The following ZSCAN4 variants were observed in gnomAD, a reference collection of about 807,000 sequenced individuals.
The protein encoded by ZSCAN4 is zinc finger and SCAN domain containing 4, also known as zinc finger and SCAN domain-containing protein 4.
Under a neutral mutation model 18.3 loss-of-function variants are expected in ZSCAN4, and 18 were observed. That is an observed-to-expected ratio of 0.98 (90% CI 0.68 to 1.46). The LOEUF (loss-of-function observed/expected upper bound fraction) is 1.46, where lower values mean the gene tolerates loss of function less well. Among genes scored for constraint, ZSCAN4 ranks in the 40% most tolerant of loss-of-function variants. The pLI, the probability that ZSCAN4 is intolerant of heterozygous loss-of-function variation, is 0.00. For missense variants in ZSCAN4, 498 were observed against 511.4 expected, an observed-to-expected ratio of 0.97 and a Z score of 0.25; for synonymous variants, 193 against 180.3, an observed-to-expected ratio of 1.07 and a Z score of -0.57.
chr19:57,672,138 C>T (rs1478852775), intron 2 of ZSCAN4, among the ~76,000 whole-genome samples: 3 of 152,156 alleles, frequency 2.0e-5, no homozygotes, highest in Non-Finnish European at 4.4e-5. Flanking sequence ...TCAAGCAATG[C>T]AAACTCACTT....
chr19:57,665,269 G>A (rs758171999), upstream of ZSCAN4, among the ~76,000 whole-genome samples: 5 of 152,192 alleles, frequency 3.3e-5, no homozygotes, highest in Non-Finnish European at 7.4e-5. Flanking sequence ...GTGCTGCTAG[G>A]ATTCCATTTT....
chr19:57,665,719 A>G (rs1983834046), upstream of ZSCAN4, among the ~76,000 whole-genome samples: 2 of 152,132 alleles, frequency 1.3e-5, no homozygotes, highest in African/African-American at 4.8e-5. Context: ...GGAGTTCGAG[A>G]CCAGCCTGAC....
the ZSCAN4 span, among the ~76,000 whole-genome samples, chr19:57,654,327 A>C: frequency 6.6e-6 from 1 of 151,318 alleles, no homozygotes; most frequent in Non-Finnish European, 1.5e-5. Context: ...TCAACTGGAC[A>C]CTTCCCTCTC....
Position 57,676,549 on chromosome 19 carries a change from C to A in ZSCAN4, c.396+8C>A. 6.2e-7 allele frequency: 1 copy of A among 1,601,054 alleles called. No individual in the cohort carries two copies. The highest frequency in any genetic ancestry group is 1.1e-5 in the South Asian group (1 of 89,478). On this transcript the variant is annotated splice_region_variant and intron_variant, in intron 3 of 4. Coordinates refer to ENST00000318203, the Ensembl canonical transcript of ZSCAN4. ...ATAAATCCACCTGCCTTAGTGAGTACAGGGTTCTAACTTCTGGGATGAGAG... is the reference window on the plus strand; with the variant it reads ...ATAAATCCACCTGCCTTAGTGAGTAAAGGGTTCTAACTTCTGGGATGAGAG...
exon 2 of ZSCAN4, chr19:57,670,453 C>T (rs914422219): frequency 6.6e-6 from 1 of 152,178 alleles, no homozygotes. Context: ...AATCACTGAT[C>T]CCAGCCCCTA....
chr19:57,677,500 C>G (rs974215389), intron 3 of ZSCAN4, among the ~76,000 whole-genome samples: 4 of 151,918 alleles, frequency 2.6e-5, no homozygotes, highest in Admixed American at 1.3e-4. Context: ...TCTAGTCTTC[C>G]TAAGTGCAGG....
chr19:57,670,218 G>A (rs1983976166), intron 1 of ZSCAN4, 27 bp from the exon 2 acceptor site: 1 of 152,300 alleles, frequency 6.6e-6, no homozygotes, highest in African/African-American at 2.4e-5. Context: ...AAATATTAAT[G>A]TGTTTGTTTA....
intron 2 of ZSCAN4, among the ~76,000 whole-genome samples, chr19:57,675,429 T>C (rs1984154106): frequency 2.0e-5 from 3 of 152,074 alleles, no homozygotes. Flanking sequence ...ATTACAGGCA[T>C]GAGCAACCAC....
upstream of ZSCAN4, chr19:57,664,834 ACT>A (rs372662388): frequency 4.7e-4 from 84 of 178,988 alleles, no homozygotes; most frequent in African/African-American, 1.8e-3. Context: ...GAACACAGCA[ACT>A]CTGCCAGATG....
chr19:57,679,085 C>A, exon 5 of ZSCAN4: 2 of 595,890 alleles, frequency 3.4e-6, no homozygotes, highest in Non-Finnish European at 5.0e-6. Flanking sequence ...TAAAGTATTC[C>A]AAGTGGTTGG....
upstream of ZSCAN4, among the ~76,000 whole-genome samples, chr19:57,665,945 G>C (rs182787531): frequency 6.7e-4 from 102 of 152,148 alleles, 1 homozygote; most frequent in South Asian, 2.5e-3. Flanking sequence ...ATATCTTTGC[G>C]AGGCCCAAGT....
the ZSCAN4 span, among the ~76,000 whole-genome samples, chr19:57,663,458 G>A: frequency 0.16 from 23,187 of 142,446 alleles, 1,966 homozygotes; most frequent in East Asian, 0.27. Context: ...GGCCGAGGCG[G>A]GAGGATCACT....
upstream of ZSCAN4, chr19:57,664,509 C>CG (rs34484251): frequency 0.34 from 52,292 of 152,034 alleles, 9,189 homozygotes; most frequent in Middle Eastern, 0.41. Context: ...CAGCGAGACC[C>CG]GGGGCTGCGG....
chr19:57,652,748 G>A, the ZSCAN4 span, among the ~76,000 whole-genome samples: 4 of 152,186 alleles, frequency 2.6e-5, no homozygotes, highest in Non-Finnish European at 5.9e-5. Flanking sequence ...GACGGCAGGG[G>A]CTGAAGGCAT....
chr19:57,670,058 A>G (rs1470898766), intron 1 of ZSCAN4, among the ~76,000 whole-genome samples, 187 bp from the exon 2 acceptor site: 1 of 151,874 alleles, frequency 6.6e-6, no homozygotes, highest in African/African-American at 2.4e-5. Flanking sequence ...GCCCACCACC[A>G]TGCCCGGCTA....
chr19:57,655,903 C>A, the ZSCAN4 span, among the ~76,000 whole-genome samples: 1 of 151,996 alleles, frequency 6.6e-6, no homozygotes, highest in Non-Finnish European at 1.5e-5. Flanking sequence ...ACCATCGTTG[C>A]CAAACACAAG....
exon 5 of ZSCAN4, chr19:57,678,468 C>T: frequency 4.3e-6 from 7 of 1,614,094 alleles, no homozygotes; most frequent in Non-Finnish European, 5.9e-6. Flanking sequence ...TGCCCTTACC[C>T]ACCAGAGCAA....
the ZSCAN4 span, among the ~76,000 whole-genome samples, chr19:57,662,843 A>T: frequency 6.6e-6 from 1 of 152,092 alleles, no homozygotes; most frequent in Non-Finnish European, 1.5e-5. Context: ...TACAGGCGTG[A>T]GTCACTACAC....
chr19:57,659,222 ATCATTT>A, the ZSCAN4 span, among the ~76,000 whole-genome samples: 1 of 152,156 alleles, frequency 6.6e-6, no homozygotes, highest in Non-Finnish European at 1.5e-5. Flanking sequence ...TATAGGACCC[ATCATTT>A]TCTAATACAC....
Sources: gnomAD v4.1 joint callset for allele counts (sites outside exome capture counted in the v4.1 genomes callset) on GRCh38, gnomAD v4.1.1 for gene constraint, MANE v1.5 for transcripts, NCBI Gene and HGNC (gene_info 2026-07-23, HGNC 2026-07-21) for gene names.